KIAA0825: variants seen among roughly 807,000 people sequenced by gnomAD.
KIAA0825 encodes the protein KIAA0825.
In KIAA0825, 119 loss-of-function variants were observed where a neutral mutation model predicts 147.6. The observed-to-expected ratio is 0.81, with a 90% confidence interval of 0.69 to 0.94. The LOEUF is 0.94. KIAA0825 is among the 40% of genes least tolerant of loss of function. The pLI is 0.00. For missense variants in KIAA0825, 1,381 were observed against 1,472.7 expected (o/e 0.94, Z 1.02); for synonymous variants, 470 against 518.1 (o/e 0.91, Z 1.26).
At chr5:94,211,525 C>T (rs939937240) in intron 20 of KIAA0825, among the ~76,000 whole-genome samples, 2 of 152,126 alleles carry the variant, frequency 1.3e-5, no homozygotes, top group African/African-American at 4.8e-5. Flanking sequence ...AGGAAGCCTT[C>T]CCTGAACAAG....
chr5:94,201,505 T>C (rs1771687397), intron 20 of KIAA0825, among the ~76,000 whole-genome samples: 1 of 152,026 alleles, frequency 6.6e-6, no homozygotes, highest in Non-Finnish European at 1.5e-5. Flanking sequence ...TCCTTTGTGC[T>C]CAAGTGGTCA....
chr5:94,577,570 C>T (rs1002632315), intron 2 of KIAA0825, among the ~76,000 whole-genome samples: 11 of 152,204 alleles, frequency 7.2e-5, no homozygotes, highest in African/African-American at 2.4e-4. Flanking sequence ...CCCAGGGCAT[C>T]CTTTTAACTA....
intron 20 of KIAA0825, among the ~76,000 whole-genome samples, chr5:94,165,268 A>T (rs1767928300): frequency 6.6e-6 from 1 of 152,254 alleles, no homozygotes. Flanking sequence ...GCTCAGCATC[A>T]TTGATCATTA....
chr5:94,359,499 G>A (rs1236277462), intron 20 of KIAA0825, among the ~76,000 whole-genome samples: 1 of 152,180 alleles, frequency 6.6e-6, no homozygotes, highest in East Asian at 1.9e-4. Context: ...GCTCACGCCT[G>A]TAATCCTAAT....
intron 3 of KIAA0825, among the ~76,000 whole-genome samples, chr5:94,529,397 A>ATATG (rs1427242650): frequency 1.4e-5 from 2 of 146,590 alleles, no homozygotes; most frequent in East Asian, 2.0e-4. Context: ...TATATATCAT[A>ATATG]TGTATATCTC....
intron 1 of KIAA0825, among the ~76,000 whole-genome samples, chr5:94,584,953 G>C (rs1326438471): frequency 6.6e-6 from 1 of 152,120 alleles, no homozygotes; most frequent in African/African-American, 2.4e-5. Context: ...CTTCATAAGG[G>C]CAGGGGAAAT....
At chr5:94,496,685 A>C (rs1444902680) in intron 5 of KIAA0825, among the ~76,000 whole-genome samples, 1 of 152,186 alleles carries the variant, frequency 6.6e-6, no homozygotes, top group Non-Finnish European at 1.5e-5. Flanking sequence ...TGGAGTTTGA[A>C]GGCCAAGCCA....
At chr5:94,463,881 C>T (rs969378552) in intron 11 of KIAA0825, among the ~76,000 whole-genome samples, 2 of 151,778 alleles carry the variant, frequency 1.3e-5, no homozygotes, top group South Asian at 4.1e-4. Flanking sequence ...TGAAGGTATT[C>T]TTTGCTTTCA....
At chr5:94,394,806 A>C (rs1215966237) in intron 17 of KIAA0825, among the ~76,000 whole-genome samples, 3 of 152,170 alleles carry the variant, frequency 2.0e-5, no homozygotes, top group Admixed American at 2.0e-4. Context: ...TAGAAAGATT[A>C]AGACGGTCAC....
intron 20 of KIAA0825, among the ~76,000 whole-genome samples, chr5:94,179,609 A>G (rs979693444): frequency 1.3e-5 from 2 of 152,078 alleles, no homozygotes; most frequent in South Asian, 2.1e-4. Context: ...TCCTTCTCCA[A>G]TAAAAGAAAC....
chr5:94,616,596 A>G (rs1790565369), intron 1 of KIAA0825, among the ~76,000 whole-genome samples: 1 of 152,202 alleles, frequency 6.6e-6, no homozygotes, highest in Non-Finnish European at 1.5e-5. Flanking sequence ...AAAGCTGTCT[A>G]AAGAGATAGT....
rs1219557690 is a variant in KIAA0825, at chr5:94,151,223, C to T, written c.*2784G>A. Among the ~76,000 whole-genome samples, 1 of 151,210 alleles carries T rather than the reference C, an allele frequency of 6.6e-6. No individual in the cohort carries two copies. The highest frequency in any genetic ancestry group is 1.5e-5 in the Non-Finnish European group (1 of 67,814). ...ATGAGGTCAGGAGATCGAGACCATC[C>T]TGGCTAACAAGGTGAAACCCCGTCT... On this transcript the variant is annotated 3_prime_UTR_variant, in exon 21 of 21. Transcript: ENST00000682413.
At chr5:94,510,962 A>G (rs1197721997) in intron 5 of KIAA0825, among the ~76,000 whole-genome samples, 2 of 152,192 alleles carry the variant, frequency 1.3e-5, no homozygotes, top group African/African-American at 4.8e-5. Flanking sequence ...TCACTCCAAA[A>G]TTCTTATGTT....
chr5:94,580,283 G>A (rs997692889), intron 2 of KIAA0825, among the ~76,000 whole-genome samples: 6 of 152,210 alleles, frequency 3.9e-5, no homozygotes, highest in Non-Finnish European at 8.8e-5. Context: ...CTATCTTTAA[G>A]AGTCAGCAAG....
chr5:94,613,573 G>C (rs1789523891), intron 1 of KIAA0825, among the ~76,000 whole-genome samples: 1 of 152,196 alleles, frequency 6.6e-6, no homozygotes, highest in African/African-American at 2.4e-5. Context: ...TAGTCAAAAA[G>C]GCCAGGTGCA....
intron 14 of KIAA0825, among the ~76,000 whole-genome samples, chr5:94,418,227 T>G (rs1016399272): frequency 3.9e-5 from 6 of 152,190 alleles, no homozygotes; most frequent in African/African-American, 1.4e-4. Context: ...CTTGCTCATT[T>G]GGAATATCAT....
intron 1 of KIAA0825, among the ~76,000 whole-genome samples, chr5:94,615,980 T>G (rs1488502860): frequency 6.6e-6 from 1 of 152,150 alleles, no homozygotes; most frequent in Admixed American, 6.5e-5. Flanking sequence ...TCAAATCCTC[T>G]TGCCTTAGCC....
intron 16 of KIAA0825, among the ~76,000 whole-genome samples, chr5:94,400,570 A>G (rs1443876003): frequency 6.6e-6 from 1 of 152,102 alleles, no homozygotes; most frequent in East Asian, 1.9e-4. Flanking sequence ...ATTACTCCAA[A>G]AGTTTTGCCA....
chr5:94,479,927 T>C (rs1762307336), intron 6 of KIAA0825, among the ~76,000 whole-genome samples: 1 of 152,162 alleles, frequency 6.6e-6, no homozygotes, highest in Non-Finnish European at 1.5e-5. Context: ...ATTTTTAAAT[T>C]GGGTTGTTTG....
Sources: allele counts gnomAD v4.1 joint callset (sites outside exome capture counted in the v4.1 genomes callset), GRCh38; gene constraint gnomAD v4.1.1; transcripts MANE v1.5; gene names NCBI Gene and HGNC (gene_info 2026-07-23, HGNC 2026-07-21).